EPHA3: variants seen among roughly 807,000 people sequenced by gnomAD.
EPHA3 encodes EPH receptor A3.
A neutral mutation model predicts 107.1 loss-of-function variants in EPHA3; 42 were observed. The observed-to-expected ratio is 0.39, with a 90% CI of 0.31 to 0.51. The LOEUF (loss-of-function observed/expected upper bound fraction) is 0.51. EPHA3 is among the 20% of genes least tolerant of loss of function. EPHA3 has a pLI of 0.78. For missense variants in EPHA3, 1,183 were observed against 1,211.2 expected (o/e 0.98, Z 0.35); for synonymous variants, 461 against 424.8 (o/e 1.09, Z -1.05).
At chr3:89,249,040 G>A (rs1705101858) in intron 3 of EPHA3, among the ~76,000 whole-genome samples, 2 of 152,220 alleles carry the variant, frequency 1.3e-5, no homozygotes, top group African/African-American at 4.8e-5. Flanking sequence ...ATCCCTTGCA[G>A]TTATATTTGG....
chr3:89,449,204 G>T (rs758704148), intron 13 of EPHA3, 21 bp from the exon 14 acceptor site: 1 of 1,594,340 alleles, frequency 6.3e-7, no homozygotes, highest in South Asian at 1.1e-5. Context: ...GATTTATGTA[G>T]ACATGATTTT....
At chr3:89,139,591 A>G (rs1180517820) in intron 2 of EPHA3, among the ~76,000 whole-genome samples, 1 of 151,858 alleles carries the variant, frequency 6.6e-6, no homozygotes, top group African/African-American at 2.4e-5. Context: ...AAAGGCAGCA[A>G]AATTTTACTT....
intron 3 of EPHA3, among the ~76,000 whole-genome samples, chr3:89,221,364 A>G (rs1466649513): frequency 6.6e-6 from 1 of 152,178 alleles, no homozygotes; most frequent in African/African-American, 2.4e-5. Flanking sequence ...TGGTCATCGT[A>G]TCTTGTTTGC....
intron 15 of EPHA3, among the ~76,000 whole-genome samples, chr3:89,452,977 T>C (rs983334671): frequency 5.4e-5 from 5 of 92,434 alleles, no homozygotes; most frequent in Admixed American, 4.0e-4. Context: ...TAACACTTAG[T>C]AGGAATCACT....
chr3:89,345,740 A>G (rs1336255686), intron 5 of EPHA3, among the ~76,000 whole-genome samples: 2 of 142,308 alleles, frequency 1.4e-5, no homozygotes, highest in Non-Finnish European at 3.1e-5. Flanking sequence ...AGCATTAGGT[A>G]TATCTCCCAA....
At chr3:89,242,341 TG>T (rs1704917280) in intron 3 of EPHA3, among the ~76,000 whole-genome samples, 1 of 152,244 alleles carries the variant, frequency 6.6e-6, no homozygotes, top group South Asian at 2.1e-4. Flanking sequence ...AACTTTAGAA[TG>T]ACTGTAAGTT....
intron 5 of EPHA3, among the ~76,000 whole-genome samples, chr3:89,384,490 T>C (rs1708575423): frequency 6.6e-6 from 1 of 152,234 alleles, no homozygotes; most frequent in Non-Finnish European, 1.5e-5. Context: ...TTGTGGATTG[T>C]TTACATTTTC....
intron 3 of EPHA3, among the ~76,000 whole-genome samples, chr3:89,281,253 G>A (rs543835365): frequency 6.6e-6 from 1 of 152,218 alleles, no homozygotes; most frequent in South Asian, 2.1e-4. Context: ...TCGAACTCCT[G>A]AGCTCAGGCA....
intron 5 of EPHA3, among the ~76,000 whole-genome samples, chr3:89,383,396 A>C (rs562465710): frequency 6.6e-6 from 1 of 152,276 alleles, no homozygotes; most frequent in African/African-American, 2.4e-5. Flanking sequence ...CCTTTCTTGA[A>C]CTAAAGATAT....
At position 89,421,527 on chromosome 3, in the gene EPHA3, C is replaced by T. The variant is rs1258386274; in HGVS notation, c.2074+2137C>T. Among the ~76,000 whole-genome samples, 3 of 151,242 alleles carry T rather than the reference C, an allele frequency of 2.0e-5. No homozygotes were observed. The East Asian group carries it at 5.9e-4, about 30-fold the overall frequency. On this transcript the variant is annotated intron_variant, in intron 11 of 16. Transcript: ENST00000336596. ...TTTTTAGCTTGAATAGAATCATAAT[C>T]TAACTTCTTCAACATGTGTAATTAA...
At chr3:89,295,214 A>G (rs1706317316) in intron 3 of EPHA3, among the ~76,000 whole-genome samples, 1 of 152,212 alleles carries the variant, frequency 6.6e-6, no homozygotes, top group Non-Finnish European at 1.5e-5. Context: ...AGTGTGCAAT[A>G]GTGGTATGTC....
chr3:89,114,550 C>G (rs1037153388), intron 1 of EPHA3, among the ~76,000 whole-genome samples: 4 of 152,172 alleles, frequency 2.6e-5, no homozygotes, highest in African/African-American at 9.7e-5. Context: ...CAAGTCTCTC[C>G]GCGCCTGGCT....
chr3:89,301,210 C>T lies in EPHA3; in HGVS notation c.815-39706C>T, dbSNP rs575565509. ...GTGGCTCATAAAATGTCTCTCATGG[C>T]GATGCAGAAAAGAATTTTCAAAAAT... On this transcript the variant is annotated intron_variant, in intron 3 of 16. Transcript: ENST00000336596. 2.7e-4 allele frequency among the ~76,000 whole-genome samples: 41 copies of T among 152,050 alleles called. No individual in the cohort carries two copies. The South Asian group carries it at 5.8e-3, about 22-fold the overall frequency.
chr3:89,135,444 C>T (rs1357692508), intron 2 of EPHA3, among the ~76,000 whole-genome samples: 1 of 152,026 alleles, frequency 6.6e-6, no homozygotes, highest in Non-Finnish European at 1.5e-5. Context: ...ATTAATTGCC[C>T]ATTAATTAAA....
At position 89,208,423 on chromosome 3, in the gene EPHA3, GAAGAAAGAAAGAAAGAAAGA is replaced by G. The variant is rs745313705; in HGVS notation, c.154-1396_154-1377del. The stretch of plus-strand genomic sequence containing the variant: ...AAAAGGAAGGAAGGAAGGAAGGAAG[GAAGAAAGAAAGAAAGAAAGA>G]AAGAAAGAAAGAAAGAAAGAAAGAA... On this transcript the variant is annotated intron_variant, in intron 2 of 16. Transcript: ENST00000336596. 3.6e-3 allele frequency among the ~76,000 whole-genome samples: 134 copies of G among 37,542 alleles called. 1 individual carries two copies. The East Asian group carries it at 0.065, about 18-fold the overall frequency. 24.6% of individuals were successfully genotyped at this position (37,542 alleles called of 152,430 possible). A position where few individuals can be genotyped will look rare whatever the true frequency, so the allele number is the denominator to read the frequency against.
chr3:89,352,511 C>T (rs1707850264), intron 5 of EPHA3, among the ~76,000 whole-genome samples: 1 of 150,800 alleles, frequency 6.6e-6, no homozygotes, highest in Non-Finnish European at 1.5e-5. Context: ...CAATAGTATC[C>T]ATTCGTTAAG....
intron 3 of EPHA3, among the ~76,000 whole-genome samples, chr3:89,318,896 C>T (rs748883928): frequency 1.3e-5 from 2 of 151,930 alleles, no homozygotes; most frequent in African/African-American, 2.4e-5. Flanking sequence ...AACACACACA[C>T]ATCCTTCCCC....
chr3:89,300,364 A>T (rs1159437169), intron 3 of EPHA3, among the ~76,000 whole-genome samples: 8 of 152,030 alleles, frequency 5.3e-5, no homozygotes, highest in Admixed American at 2.0e-4. Context: ...TTAATATGTA[A>T]AGTATATGTT....
intron 5 of EPHA3, among the ~76,000 whole-genome samples, chr3:89,353,686 C>CA (rs1707882423): frequency 1.3e-5 from 2 of 151,430 alleles, no homozygotes; most frequent in South Asian, 4.2e-4. Context: ...TCTCAGCCAT[C>CA]ACACCCTGGT....
Sources: gnomAD v4.1 joint callset for allele counts (sites outside exome capture counted in the v4.1 genomes callset) on GRCh38, gnomAD v4.1.1 for gene constraint, MANE v1.5 for transcripts, NCBI Gene and HGNC (gene_info 2026-07-23, HGNC 2026-07-21) for gene names.